RALYL: variants seen among roughly 807,000 people sequenced by gnomAD.
RALYL encodes the protein RALY RNA binding protein like, also known as RNA-binding Raly-like protein.
A neutral mutation model predicts 35.1 loss-of-function variants in RALYL; 29 were observed. That is an observed-to-expected ratio of 0.83 (90% CI 0.61 to 1.13). The LOEUF is 1.13. Ranked by LOEUF, RALYL falls within the 50% of genes most tolerant of loss-of-function variation. The probability of loss-of-function intolerance (pLI) is 0.00; values close to 1 mark genes in which losing one functional copy is unlikely to be tolerated. For synonymous variants in RALYL, 120 were observed against 127.6 expected (o/e 0.94, Z 0.40); for missense variants, 359 against 360.4 (o/e 1.00, Z 0.03).
At chr8:84,913,080 A>T (rs1011564014) in intron 8 of RALYL, among the ~76,000 whole-genome samples, 1 of 151,936 alleles carries the variant, frequency 6.6e-6, no homozygotes, top group Non-Finnish European at 1.5e-5. Flanking sequence ...AGATAGATAG[A>T]TAGATAGATA....
rs181101566 is a variant in RALYL, at chr8:84,193,603, T to C, written c.-24+9179T>C. On this transcript the variant is annotated intron_variant, in intron 1 of 8. Coordinates refer to ENST00000521268, the MANE Select transcript of RALYL (RefSeq NM_173848.7). ...TAATGGTGACTTCAGTCTTCTCAGA[T>C]AATTGTAAATGAGGTCCTAGGTTGA... is the stretch of plus-strand genomic sequence containing the variant. Among the ~76,000 whole-genome samples the C allele has an allele frequency of 1.1e-3, 161 of 152,312 alleles. 1 individual carries two copies. The highest frequency in any genetic ancestry group is 6.0e-4 in the Non-Finnish European group (41 of 68,024).
intron 2 of RALYL, among the ~76,000 whole-genome samples, chr8:84,579,706 A>G (rs1227143190): frequency 6.6e-6 from 1 of 152,236 alleles, no homozygotes; most frequent in Non-Finnish European, 1.5e-5. Flanking sequence ...ATAAACTAAT[A>G]TCTATCTTCT....
chr8:84,280,837 C>T (rs568818999), intron 1 of RALYL, among the ~76,000 whole-genome samples: 26 of 151,640 alleles, frequency 1.7e-4, no homozygotes, highest in African/African-American at 5.6e-4. Flanking sequence ...ATGATTAGTC[C>T]GTGTGAAAAT....
At chr8:84,880,238 G>A (rs1271628379) in intron 7 of RALYL, among the ~76,000 whole-genome samples, 1 of 152,024 alleles carries the variant, frequency 6.6e-6, no homozygotes, top group Non-Finnish European at 1.5e-5. Flanking sequence ...TCTCAAATGG[G>A]CAGAGAAAGA....
At chr8:84,705,880 T>G (rs1347393704) in intron 2 of RALYL, 1 of 1,428,430 alleles carries the variant, frequency 7.0e-7, no homozygotes, top group Non-Finnish European at 9.1e-7. Flanking sequence ...TTTATGAGAA[T>G]GGTATTACCC....
intron 1 of RALYL, among the ~76,000 whole-genome samples, chr8:84,385,712 T>A (rs1859040412): frequency 6.6e-6 from 1 of 151,866 alleles, no homozygotes; most frequent in Admixed American, 6.6e-5. Flanking sequence ...CCTTTGCCAC[T>A]GTATGGCTTT....
rs1285961706 is a variant in RALYL at position 84,906,917 on chromosome 8, G to A, written c.859-13977G>A. 1.7e-5 allele frequency: 17 copies of A among 982,270 alleles called. No individual in the cohort carries two copies. In the South Asian group the frequency reaches 2.4e-4, roughly 14 times the overall value. The allele number at this position is 982,270 out of a possible 1,614,324, so 60.8% of individuals were successfully genotyped here. A position where few individuals can be genotyped will look rare whatever the true frequency, so the allele number is the denominator to read the frequency against. On this transcript the variant is annotated intron_variant, in intron 8 of 8. Transcript: ENST00000521268. ...TAAGGATCTTCCCTTCTAAACCTTC[G>A]CTGTCTTTAGAATGTCTCTGAATAT... is the stretch of plus-strand genomic sequence containing the variant.
At chr8:84,299,489 G>C (rs1230152100) in intron 1 of RALYL, among the ~76,000 whole-genome samples, 1 of 151,956 alleles carries the variant, frequency 6.6e-6, no homozygotes, top group African/African-American at 2.4e-5. Context: ...CATAGAATGA[G>C]TTAAGGAGGA....
At chr8:84,909,801 T>G (rs1030578962) in intron 8 of RALYL, among the ~76,000 whole-genome samples, 3 of 152,124 alleles carry the variant, frequency 2.0e-5, no homozygotes, top group Non-Finnish European at 4.4e-5. Flanking sequence ...TGACATATAG[T>G]AAGCCCTCAG....
chr8:84,463,505 A>C (rs774288473), intron 1 of RALYL, among the ~76,000 whole-genome samples: 1 of 152,088 alleles, frequency 6.6e-6, no homozygotes, highest in Non-Finnish European at 1.5e-5. Flanking sequence ...TTAATTGTGT[A>C]TTATACCAAG....
At chr8:84,878,310 A>G (rs1440251984) in intron 7 of RALYL, among the ~76,000 whole-genome samples, 1 of 152,184 alleles carries the variant, frequency 6.6e-6, no homozygotes, top group Non-Finnish European at 1.5e-5. Context: ...TCCCTGACTC[A>G]GCTACCACAG....
intron 1 of RALYL, among the ~76,000 whole-genome samples, chr8:84,433,214 T>C (rs544415582): frequency 6.6e-6 from 1 of 152,236 alleles, no homozygotes; most frequent in Non-Finnish European, 1.5e-5. Context: ...AATATGTGCC[T>C]TTCTTGACAT....
intron 1 of RALYL, among the ~76,000 whole-genome samples, chr8:84,431,036 G>A (rs553897691): frequency 2.0e-4 from 30 of 152,162 alleles, no homozygotes; most frequent in African/African-American, 7.0e-4. Context: ...CACTAATACC[G>A]ATCTCATAAA....
At position 84,349,453 on chromosome 8, in the gene RALYL, G is replaced by C. The variant is rs930379050; in HGVS notation, c.-24+165029G>C. 7.5e-4 allele frequency among the ~76,000 whole-genome samples: 113 copies of C among 150,184 alleles called. 10 individuals carry two copies. The highest frequency in any genetic ancestry group is 2.6e-3 in the African/African-American group (105 of 40,330). On this transcript the variant is annotated intron_variant, in intron 1 of 8. Transcript: ENST00000521268. ...GAAATCCAAACACACATCAGTCTTT[G>C]ACTAAATTTTGGTTATCATAAGTTC...
chr8:84,415,877 T>C (rs2044646653), intron 1 of RALYL, among the ~76,000 whole-genome samples: 2 of 152,202 alleles, frequency 1.3e-5, no homozygotes, highest in South Asian at 4.1e-4. Context: ...CTTCATTCAA[T>C]AGGTGTTAAA....
intron 1 of RALYL, among the ~76,000 whole-genome samples, chr8:84,409,495 A>G (rs894048191): frequency 1.3e-5 from 2 of 152,080 alleles, no homozygotes; most frequent in East Asian, 1.9e-4. Context: ...AAGTTTTCCA[A>G]TAATAGAATT....
At chr8:84,574,424 G>T (rs1361561707) in intron 2 of RALYL, among the ~76,000 whole-genome samples, 1 of 151,882 alleles carries the variant, frequency 6.6e-6, no homozygotes. Context: ...GCAGATTTTT[G>T]GATCTCTTTT....
rs1484945657 is a variant in RALYL at position 84,595,879 on chromosome 8, A to AACAGCAG, written c.256+66303_256+66309dup. On this transcript the variant is annotated intron_variant, in intron 2 of 8. Transcript: ENST00000521268. ...TGGAAGAAAACCACACGCTCATGGG[A>AACAGCAG]ACAGCAGGCAGGATCCTGAGCAAGA... 1.9e-4 allele frequency among the ~76,000 whole-genome samples: 28 copies of AACAGCAG among 151,194 alleles called. 1 individual carries two copies. The highest frequency in any genetic ancestry group is 1.7e-3 in the Admixed American group (25 of 15,128).
At chr8:84,503,198 A>C (rs1408035371) in intron 1 of RALYL, among the ~76,000 whole-genome samples, 1 of 152,054 alleles carries the variant, frequency 6.6e-6, no homozygotes, top group African/African-American at 2.4e-5. Context: ...CCCAAGCTAG[A>C]GTGCAGTGGT....
Sources: gnomAD v4.1 joint callset for allele counts (sites outside exome capture counted in the v4.1 genomes callset) on GRCh38, gnomAD v4.1.1 for gene constraint, MANE v1.5 for transcripts, NCBI Gene and HGNC (gene_info 2026-07-23, HGNC 2026-07-21) for gene names.